PLCB1: variants seen among roughly 807,000 people sequenced by gnomAD.
The protein encoded by PLCB1 is 1-phosphatidylinositol 4,5-bisphosphate phosphodiesterase beta-1.
In PLCB1, 46 loss-of-function variants were observed where a neutral mutation model predicts 161.8. The observed-to-expected ratio is 0.28, with a 90% confidence interval of 0.22 to 0.36. PLCB1 has a LOEUF of 0.36. PLCB1 is among the 10% of genes least tolerant of loss of function. The probability of loss-of-function intolerance (pLI) is 1.00; values close to 1 mark genes in which losing one functional copy is unlikely to be tolerated. For missense variants in PLCB1, 1,016 were observed against 1,472.5 expected (o/e 0.69, Z 5.07); for synonymous variants, 517 against 503.7 (o/e 1.03, Z -0.35).
At chr20:8,173,071 C>T (rs1323503101) in intron 2 of PLCB1, among the ~76,000 whole-genome samples, 1 of 152,106 alleles carries the variant, frequency 6.6e-6, no homozygotes, top group Admixed American at 6.5e-5. Flanking sequence ...TCTTCCTGAC[C>T]AGGCCTGGGA....
intron 23 of PLCB1, among the ~76,000 whole-genome samples, chr20:8,752,651 G>A (rs554423770): frequency 6.2e-4 from 95 of 152,006 alleles, no homozygotes; most frequent in African/African-American, 2.2e-3. Flanking sequence ...AAATTAGCTG[G>A]GCATGGTGGT....
intron 27 of PLCB1, among the ~76,000 whole-genome samples, chr20:8,785,189 G>T (rs930488484): frequency 1.3e-5 from 2 of 152,182 alleles, no homozygotes; most frequent in South Asian, 2.1e-4. Flanking sequence ...GGGGCAGAGA[G>T]AAATTGAAAT....
At chr20:8,560,623 T>A (rs2223539) in intron 3 of PLCB1, among the ~76,000 whole-genome samples, 97,765 of 151,796 alleles carry the variant, frequency 0.64, 32,125 homozygotes, top group African/African-American at 0.76. Context: ...TAACATACAA[T>A]GAGTGAAGGA....
At chr20:8,801,193 G>A (rs75844955) in intron 31 of PLCB1, among the ~76,000 whole-genome samples, 5,096 of 152,070 alleles carry the variant, frequency 0.034, 232 homozygotes, top group African/African-American at 0.11. Flanking sequence ...CAAGACAGGC[G>A]AATCCCACCT....
intron 2 of PLCB1, among the ~76,000 whole-genome samples, chr20:8,189,090 CT>C (rs1447486661): frequency 2.0e-5 from 3 of 151,956 alleles, no homozygotes; most frequent in Non-Finnish European, 4.4e-5. Context: ...GTACATTTGA[CT>C]GTTTCCTTCT....
chr20:8,395,173 A>G (rs1048203330), intron 3 of PLCB1, among the ~76,000 whole-genome samples: 1 of 152,126 alleles, frequency 6.6e-6, no homozygotes, highest in Admixed American at 6.6e-5. Context: ...AGGTACATAC[A>G]AACAATATGG....
chr20:8,814,902 G>A (rs1985009473), intron 31 of PLCB1, among the ~76,000 whole-genome samples: 1 of 152,164 alleles, frequency 6.6e-6, no homozygotes. Context: ...GGCAGGAGTA[G>A]GGCCAGGCCA....
chr20:8,141,879 C>T (rs979749726), intron 1 of PLCB1: 25 of 152,148 alleles, frequency 1.6e-4, no homozygotes, highest in Admixed American at 1.5e-3. Flanking sequence ...AGGCTTGTCC[C>T]ATGGCCTCTC....
At chr20:8,467,404 C>T (rs900447941) in intron 3 of PLCB1, among the ~76,000 whole-genome samples, 1 of 152,142 alleles carries the variant, frequency 6.6e-6, no homozygotes, top group South Asian at 2.1e-4. Context: ...GATAGCCACA[C>T]CCAGTCATCA....
At chr20:8,694,766 G>T (rs1398174442) in intron 10 of PLCB1, among the ~76,000 whole-genome samples, 1 of 152,142 alleles carries the variant, frequency 6.6e-6, no homozygotes, top group Non-Finnish European at 1.5e-5. Context: ...TGTTGATATA[G>T]TCAGTGATGT....
intron 18 of PLCB1, among the ~76,000 whole-genome samples, chr20:8,731,065 G>A (rs942161000): frequency 6.6e-6 from 1 of 151,770 alleles, no homozygotes. Flanking sequence ...TTAAATGAGG[G>A]TTCCGAGTGG....
intron 3 of PLCB1, among the ~76,000 whole-genome samples, chr20:8,454,128 G>A (rs1242334384): frequency 6.6e-6 from 1 of 152,146 alleles, no homozygotes; most frequent in African/African-American, 2.4e-5. Flanking sequence ...AGAATTGTGA[G>A]GAAATAAATT....
intron 4 of PLCB1, among the ~76,000 whole-genome samples, chr20:8,629,894 C>G (rs1273640161): frequency 3.2e-5 from 4 of 125,264 alleles, no homozygotes; most frequent in Non-Finnish European, 6.8e-5. Flanking sequence ...TCTTTCTTTT[C>G]TTTCTTTCTT....
intron 31 of PLCB1, among the ~76,000 whole-genome samples, chr20:8,851,281 C>T (rs1187242616): frequency 2.0e-5 from 3 of 152,192 alleles, no homozygotes; most frequent in Non-Finnish European, 2.9e-5. Flanking sequence ...GTGCTTTTCA[C>T]TCTTTTTCTT....
At chr20:8,641,081 C>G (rs1020456981) in intron 4 of PLCB1, among the ~76,000 whole-genome samples, 2 of 152,132 alleles carry the variant, frequency 1.3e-5, no homozygotes, top group African/African-American at 4.8e-5. Flanking sequence ...CAGAATACAG[C>G]CCAAAACATC....
chr20:8,617,032 G>A (rs1424394985), intron 3 of PLCB1, among the ~76,000 whole-genome samples: 1 of 152,176 alleles, frequency 6.6e-6, no homozygotes, highest in Non-Finnish European at 1.5e-5. Flanking sequence ...CTGCTGGGAA[G>A]AAGAAAGCCA....
At chr20:8,750,155 C>T (rs1344287857) in intron 23 of PLCB1, among the ~76,000 whole-genome samples, 1 of 152,148 alleles carries the variant, frequency 6.6e-6, no homozygotes, top group Non-Finnish European at 1.5e-5. Context: ...GCTGTTGACT[C>T]ATGTGAGTGC....
At chr20:8,836,938 T>C (rs147068019) in intron 31 of PLCB1, among the ~76,000 whole-genome samples, 2 of 152,290 alleles carry the variant, frequency 1.3e-5, no homozygotes, top group African/African-American at 4.8e-5. Context: ...ATCCTGTGAC[T>C]GGCTGAACCA....
At chr20:8,718,570 C>A (rs181149449) in intron 14 of PLCB1, among the ~76,000 whole-genome samples, 65 of 152,318 alleles carry the variant, frequency 4.3e-4, no homozygotes, top group Admixed American at 3.6e-3. Context: ...GGTCACATCT[C>A]CCTCTGACCA....
Sources: allele counts gnomAD v4.1 joint callset (sites outside exome capture counted in the v4.1 genomes callset), GRCh38; gene constraint gnomAD v4.1.1; transcripts MANE v1.5; gene names NCBI Gene and HGNC (gene_info 2026-07-23, HGNC 2026-07-21).